Variants in PCDH15 observed in about 807,000 individuals in gnomAD.
PCDH15 encodes the protein protocadherin-15.
PCDH15 carries 129 observed loss-of-function variants against 178.5 expected under a neutral mutation model. The ratio of observed to expected loss-of-function variants is 0.72; its 90% CI spans 0.63 to 0.84. PCDH15 has a LOEUF of 0.84. Ranked by LOEUF, PCDH15 falls within the 40% of genes least tolerant of loss-of-function variation. PCDH15 has a pLI of 0.00. For missense variants in PCDH15, 2,230 were observed against 2,099.9 expected, an observed-to-expected ratio of 1.06 and a Z score of -1.21; for synonymous variants, 800 against 732.0, an observed-to-expected ratio of 1.09 and a Z score of -1.50.
chr10:55,371,836 T>C (rs970412167), intron 2 of PCDH15, among the ~76,000 whole-genome samples: 14 of 152,054 alleles, frequency 9.2e-5, no homozygotes, highest in African/African-American at 3.1e-4. Flanking sequence ...TCAATCCAAA[T>C]AAATGGAAAA....
chr10:54,280,110 A>G (rs1317078110), intron 8 of PCDH15, among the ~76,000 whole-genome samples: 3 of 151,724 alleles, frequency 2.0e-5, no homozygotes, highest in East Asian at 3.9e-4. Flanking sequence ...AACTTTGCAG[A>G]TTATAGCCAG....
At chr10:54,378,259 AT>A (rs1487141313) in intron 4 of PCDH15, among the ~76,000 whole-genome samples, 1 of 152,112 alleles carries the variant, frequency 6.6e-6, no homozygotes, top group Non-Finnish European at 1.5e-5. Flanking sequence ...AAAAAAATTT[AT>A]GCTATCTGAG....
chr10:54,736,949 C>T (rs927966352), intron 1 of PCDH15, among the ~76,000 whole-genome samples: 1 of 151,978 alleles, frequency 6.6e-6, no homozygotes, highest in African/African-American at 2.4e-5. Flanking sequence ...TAATCTCTTT[C>T]CAGGGGGGAC....
intron 1 of PCDH15, among the ~76,000 whole-genome samples, chr10:54,733,407 T>C (rs777666402): frequency 5.9e-4 from 90 of 151,676 alleles, no homozygotes; most frequent in Middle Eastern, 3.5e-3. Context: ...GGTTAAATTC[T>C]AACAAAGTAT....
Position 54,991,649 on chromosome 10 carries a change from A to T in PCDH15, c.-79-94149T>A, listed in dbSNP as rs561112905. On this transcript the variant is annotated intron_variant, in intron 2 of 5. Transcript: ENST00000458638. ...ATACCTCAGGCACTTTTCATTTAAAAGACAGCGGCTATGATAAAAATTTTG... is the reference window on the plus strand; with the variant it reads ...ATACCTCAGGCACTTTTCATTTAAATGACAGCGGCTATGATAAAAATTTTG... Among the ~76,000 whole-genome samples, 8 of 152,292 alleles carry T rather than the reference A, an allele frequency of 5.3e-5. No homozygotes were observed. The East Asian group carries it at 1.4e-3, about 26-fold the overall frequency.
intron 15 of PCDH15, among the ~76,000 whole-genome samples, chr10:54,096,883 T>C (rs1281783920): frequency 2.0e-5 from 3 of 152,232 alleles, no homozygotes; most frequent in Non-Finnish European, 4.4e-5. Flanking sequence ...TGAATTACTC[T>C]TTCTCTAACA....
chr10:54,283,370 T>G (rs950225553), intron 8 of PCDH15, among the ~76,000 whole-genome samples: 14 of 152,152 alleles, frequency 9.2e-5, no homozygotes, highest in African/African-American at 3.4e-4. Context: ...TTAACCATAT[T>G]TACTAGTGTT....
chr10:54,049,638 T>G (rs981936299), intron 18 of PCDH15, among the ~76,000 whole-genome samples: 1 of 149,242 alleles, frequency 6.7e-6, no homozygotes, highest in Non-Finnish European at 1.5e-5. Context: ...TTTTTTTTTT[T>G]GAGACGGAGT....
chr10:54,387,104 A>T (rs1950023040), intron 3 of PCDH15, among the ~76,000 whole-genome samples: 1 of 152,192 alleles, frequency 6.6e-6, no homozygotes, highest in Non-Finnish European at 1.5e-5. Flanking sequence ...AAAGAAATAT[A>T]TACAATTTTT....
At chr10:54,405,169 T>A (rs570224955) in intron 3 of PCDH15, among the ~76,000 whole-genome samples, 1 of 152,040 alleles carries the variant, frequency 6.6e-6, no homozygotes, top group East Asian at 1.9e-4. Flanking sequence ...CCTGAGGGAA[T>A]AAAAATTGCT....
In PCDH15 at chr10:53,959,989, C is replaced by A. The variant is rs142456552; in HGVS notation, c.3010-145G>T. ...CATTTCCTCACTGCCTACCAGGTGG[C>A]AGACACTATGCTAGAAAATACTACG... On this transcript the variant is annotated intron_variant, in intron 22 of 37. Transcript: ENST00000644397. 1,644 of 695,452 alleles carry A rather than the reference C, an allele frequency of 2.4e-3. 10 individuals are homozygous for A. The Middle Eastern group carries it at 0.027, about 11-fold the overall frequency. The allele number at this position is 695,452 out of a possible 1,614,324, so 43.1% of individuals were successfully genotyped here. A position where few individuals can be genotyped will look rare whatever the true frequency, so the allele number is the denominator to read the frequency against.
At chr10:54,647,447 C>T (rs1430681996) in intron 2 of PCDH15, among the ~76,000 whole-genome samples, 1 of 151,930 alleles carries the variant, frequency 6.6e-6, no homozygotes, top group Non-Finnish European at 1.5e-5. Flanking sequence ...TGATGAATAA[C>T]ATTATGGTAT....
At chr10:54,025,191 TA>T (rs2093046300) in intron 18 of PCDH15, among the ~76,000 whole-genome samples, 1 of 152,194 alleles carries the variant, frequency 6.6e-6, no homozygotes, top group Non-Finnish European at 1.5e-5. Context: ...GAAACATATC[TA>T]AACATATCTA....
intron 2 of PCDH15, among the ~76,000 whole-genome samples, chr10:54,576,022 C>T (rs1428362426): frequency 6.9e-6 from 1 of 144,888 alleles, no homozygotes; most frequent in African/African-American, 2.6e-5. Flanking sequence ...AAGTTAGATA[C>T]ATATCTTTTA....
chr10:55,198,034 T>C (rs762159627), intron 1 of PCDH15, among the ~76,000 whole-genome samples: 1 of 151,884 alleles, frequency 6.6e-6, no homozygotes, highest in Non-Finnish European at 1.5e-5. Context: ...CCTCAGGAGG[T>C]AGAAAAAGGA....
intron 2 of PCDH15, among the ~76,000 whole-genome samples, chr10:54,550,766 T>C (rs1240878819): frequency 6.6e-6 from 1 of 152,212 alleles, no homozygotes; most frequent in Non-Finnish European, 1.5e-5. Flanking sequence ...TATTATAATC[T>C]TTTAATGCTA....
intron 1 of PCDH15, among the ~76,000 whole-genome samples, chr10:55,318,473 G>A (rs1843789389): frequency 1.3e-5 from 2 of 152,242 alleles, no homozygotes; most frequent in South Asian, 4.1e-4. Context: ...TTTGGAAAGA[G>A]TGATAAAAAT....
In PCDH15 at chr10:54,880,871, T is replaced by C. The variant is rs989900952; in HGVS notation, c.-29+16579A>G. ...CATAGGATTTTTTAAAACTTGTATATGTAACATTTGATTGACTTCCTGTTG... is the reference window on the plus strand; with the variant it reads ...CATAGGATTTTTTAAAACTTGTATACGTAACATTTGATTGACTTCCTGTTG... On this transcript the variant is annotated intron_variant, in intron 3 of 5. Coordinates refer to the PCDH15 transcript ENST00000458638. 2.0e-5 allele frequency among the ~76,000 whole-genome samples: 3 copies of C among 151,466 alleles called. No homozygotes were observed. The East Asian group carries it at 5.8e-4, about 29-fold the overall frequency.
intron 2 of PCDH15, among the ~76,000 whole-genome samples, chr10:55,031,247 C>T (rs553401674): frequency 2.6e-5 from 4 of 152,220 alleles, no homozygotes; most frequent in East Asian, 1.9e-4. Flanking sequence ...TGTTAGGAAA[C>T]AGTGTTTAAA....
Sources: allele counts gnomAD v4.1 joint callset (sites outside exome capture counted in the v4.1 genomes callset), GRCh38; gene constraint gnomAD v4.1.1; transcripts MANE v1.5; gene names NCBI Gene and HGNC (gene_info 2026-07-23, HGNC 2026-07-21).